The following PARD3B variants were observed in gnomAD, a reference collection of about 807,000 sequenced individuals.
PARD3B encodes the protein partitioning defective 3 homolog B.
In PARD3B, 103 loss-of-function variants were observed where a neutral mutation model predicts 130.2. The observed-to-expected ratio is 0.79, with a 90% CI of 0.67 to 0.93. PARD3B has a LOEUF of 0.93. PARD3B is among the 40% of genes least tolerant of loss of function. The pLI is 0.00. For missense variants in PARD3B, 1,609 were observed against 1,499.2 expected (o/e 1.07, Z -1.21); for synonymous variants, 583 against 553.2 (o/e 1.05, Z -0.76).
chr2:204,935,679 G>A (rs750067820), intron 2 of PARD3B, among the ~76,000 whole-genome samples: 25 of 152,056 alleles, frequency 1.6e-4, no homozygotes, highest in Non-Finnish European at 2.8e-4. Context: ...TATATCATGT[G>A]TAACTGATAC....
At chr2:205,329,130 C>T (rs575392352) in intron 18 of PARD3B, among the ~76,000 whole-genome samples, 13 of 152,220 alleles carry the variant, frequency 8.5e-5, no homozygotes, top group African/African-American at 2.2e-4. Flanking sequence ...TGCACAGGCA[C>T]GGGGTACAGT....
intron 2 of PARD3B, among the ~76,000 whole-genome samples, chr2:204,827,199 T>C (rs1230580258): frequency 6.6e-6 from 1 of 152,244 alleles, no homozygotes; most frequent in Non-Finnish European, 1.5e-5. Flanking sequence ...TTAACAGTTA[T>C]TGAAATATTG....
At chr2:204,586,951 C>T (rs541102669) in intron 1 of PARD3B, among the ~76,000 whole-genome samples, 1 of 152,166 alleles carries the variant, frequency 6.6e-6, no homozygotes, top group Admixed American at 6.5e-5. Context: ...GAAACATTGC[C>T]GTCCAGAAAA....
chr2:205,609,221 G>A (rs1374381946), intron 22 of PARD3B, among the ~76,000 whole-genome samples: 1 of 152,162 alleles, frequency 6.6e-6, no homozygotes, highest in African/African-American at 2.4e-5. Flanking sequence ...GACACTAAAG[G>A]AATTCTAAGC....
chr2:205,011,713 G>A lies in PARD3B; in HGVS notation c.395-35868G>A, dbSNP rs1261193831. 6.6e-6 allele frequency among the ~76,000 whole-genome samples: 1 copy of A among 152,058 alleles called. No individual in the cohort carries two copies. The highest frequency in any genetic ancestry group is 1.5e-5 in the Non-Finnish European group (1 of 68,028). On this transcript the variant is annotated intron_variant, in intron 3 of 22. Coordinates refer to ENST00000406610, the MANE Select transcript of PARD3B (RefSeq NM_001302769.2). The surrounding 1 kb of genome is among the most constrained non-coding windows in gnomAD (Gnocchi z 4.1). ...TGCCTTACCTGAAGATTTAAGCCTG[G>A]GTGACAGTGTTTAGGGAACCTAGCT...
At chr2:205,240,655 A>G (rs16837118) in intron 15 of PARD3B, among the ~76,000 whole-genome samples, 2,982 of 152,248 alleles carry the variant, frequency 0.02, 78 homozygotes, top group African/African-American at 0.054. Context: ...GCAATATACA[A>G]TCTTCTGTCA....
chr2:205,330,208 G>T (rs2043072316), intron 18 of PARD3B, among the ~76,000 whole-genome samples: 1 of 151,458 alleles, frequency 6.6e-6, no homozygotes, highest in Non-Finnish European at 1.5e-5. Context: ...GGGCATGGTG[G>T]CATGTGCCTG....
intron 20 of PARD3B, among the ~76,000 whole-genome samples, chr2:205,462,940 A>T (rs984366472): frequency 6.6e-6 from 1 of 152,168 alleles, no homozygotes; most frequent in Non-Finnish European, 1.5e-5. Context: ...CAACCTGAAC[A>T]ATTCTGTACC....
intron 3 of PARD3B, among the ~76,000 whole-genome samples, chr2:204,992,762 G>A (rs1693838923): frequency 7.2e-6 from 1 of 139,618 alleles, no homozygotes; most frequent in Non-Finnish European, 1.5e-5. Flanking sequence ...CTTGAGCAGT[G>A]GTTTGTAGTT....
intron 2 of PARD3B, among the ~76,000 whole-genome samples, chr2:204,869,111 T>C (rs1340302129): frequency 6.6e-6 from 1 of 152,174 alleles, no homozygotes; most frequent in Admixed American, 6.6e-5. Flanking sequence ...AATTATCTAC[T>C]TTATACAGAT....
rs971600643 is a variant in PARD3B, at chr2:205,253,484, G to A, written c.2185+7662G>A. ...GGATGGATGCAAAGAGACCAAACTT[G>A]GCGGGCACTGGAAGTACCTGGGGAA... On this transcript the variant is annotated intron_variant, in intron 16 of 22. Coordinates refer to ENST00000406610, the MANE Select transcript of PARD3B (RefSeq NM_001302769.2). This position sits in a 1 kb window ranked among gnomAD's most constrained non-coding sequence, Gnocchi z 4.4. 1.8e-6 allele frequency: 1 copy of A among 558,164 alleles called. No individual in the cohort carries two copies. Among genetic ancestry groups the A allele is most frequent in the Non-Finnish European group, 3.6e-6 (1 of 275,662 alleles). The allele number at this position is 558,164 out of a possible 1,614,324, so 34.6% of individuals were successfully genotyped here.
At chr2:204,868,034 G>A (rs1221304100) in intron 2 of PARD3B, among the ~76,000 whole-genome samples, 1 of 152,162 alleles carries the variant, frequency 6.6e-6, no homozygotes, top group African/African-American at 2.4e-5. Flanking sequence ...TTCCCTGAGA[G>A]AAACATCCTA....
chr2:204,766,866 ATAT>A (rs767256214), intron 2 of PARD3B, among the ~76,000 whole-genome samples: 1 of 150,918 alleles, frequency 6.6e-6, no homozygotes, highest in Non-Finnish European at 1.5e-5. Context: ...TTGAGGTAAA[ATAT>A]TATCCAGATT....
At chr2:204,934,730 C>G (rs1357547036) in intron 2 of PARD3B, among the ~76,000 whole-genome samples, 1 of 151,982 alleles carries the variant, frequency 6.6e-6, no homozygotes, top group African/African-American at 2.4e-5. Flanking sequence ...CTGAACATTC[C>G]ACATCCCGTT....
intron 18 of PARD3B, among the ~76,000 whole-genome samples, chr2:205,361,679 A>G (rs1384613609): frequency 1.3e-5 from 2 of 152,180 alleles, no homozygotes; most frequent in Non-Finnish European, 2.9e-5. Context: ...TACTCACTTA[A>G]CTAAGAGGAC....
chr2:205,084,048 T>A lies in PARD3B; in HGVS notation c.505-20378T>A, dbSNP rs146226991. ...CTGACAAAAGTAGTGAATAATTCTT[T>A]AAATATCACCTAATACTTCGTCCAT... On this transcript the variant is annotated intron_variant, in intron 4 of 22. Coordinates refer to ENST00000406610, the MANE Select transcript of PARD3B (RefSeq NM_001302769.2). Among the ~76,000 whole-genome samples the A allele has an allele frequency of 2.6e-3, 397 of 152,224 alleles. 2 individuals are homozygous for A. Among genetic ancestry groups the A allele is most frequent in the African/African-American group, 9.2e-3 (384 of 41,554 alleles).
intron 22 of PARD3B, among the ~76,000 whole-genome samples, chr2:205,596,868 C>T (rs966825268): frequency 3.9e-5 from 6 of 151,982 alleles, no homozygotes; most frequent in Non-Finnish European, 8.8e-5. Flanking sequence ...TGAGGGAAGC[C>T]CTTTTCACAG....
At chr2:205,439,673 G>T (rs756709280) in intron 19 of PARD3B, among the ~76,000 whole-genome samples, 1 of 152,126 alleles carries the variant, frequency 6.6e-6, no homozygotes, top group Non-Finnish European at 1.5e-5. Flanking sequence ...GTGGAGTTCT[G>T]CCAGTAATGG....
chr2:205,497,197 C>T (rs1477542848), intron 20 of PARD3B, among the ~76,000 whole-genome samples: 1 of 124,628 alleles, frequency 8.0e-6, no homozygotes, highest in Non-Finnish European at 1.6e-5. Context: ...TTTCAACATA[C>T]ATATTGAAAA....
Sources: gnomAD v4.1 joint callset for allele counts (sites outside exome capture counted in the v4.1 genomes callset) on GRCh38, gnomAD v4.1.1 for gene constraint, Gnocchi (gnomAD v3.1) non-coding constraint, MANE v1.5 for transcripts, NCBI Gene and HGNC (gene_info 2026-07-23, HGNC 2026-07-21) for gene names.